NAV3: variants seen among roughly 807,000 people sequenced by gnomAD.
NAV3 encodes neuron navigator 3, also known as pore membrane and/or filament interacting like protein 1.
Under a neutral mutation model 244.7 loss-of-function variants are expected in NAV3, and 87 were observed. The ratio of observed to expected loss-of-function variants is 0.36; its 90% CI spans 0.30 to 0.42. The LOEUF (loss-of-function observed/expected upper bound fraction) is 0.42. NAV3 is among the 20% of genes least tolerant of loss of function. NAV3 has a pLI of 1.00. For missense variants in NAV3, 2,663 were observed against 2,893.3 expected (o/e 0.92, Z 1.83); for synonymous variants, 1,126 against 1,042.2 (o/e 1.08, Z -1.55).
At chr12:77,837,922 A>G (rs1452066060) in intron 1 of NAV3, among the ~76,000 whole-genome samples, 1 of 152,218 alleles carries the variant, frequency 6.6e-6, no homozygotes, top group Non-Finnish European at 1.5e-5. Context: ...ATGTCAATAA[A>G]GTAGATCACT....
At position 78,050,195 on chromosome 12, in the gene NAV3, C is replaced by CCCCTTCT. The variant is rs1882529224; in HGVS notation, c.2132+94_2132+95insCCCTTCT. The CCCCTTCT allele has an allele frequency of 1.3e-5, 11 of 844,694 alleles. No homozygotes were observed. The South Asian group carries it at 1.7e-4, about 13-fold the overall frequency. The allele number at this position is 844,694 out of a possible 1,614,324, so 52.3% of individuals were successfully genotyped here. On this transcript the variant is annotated intron_variant, in intron 10 of 39. Coordinates refer to ENST00000397909, the MANE Select transcript of NAV3 (RefSeq NM_001024383.2). ...TCTTATAATGACAGAGATGGGATTT[C>CCCCTTCT]AGTTTCCCCTTACTATTTTCTCCCT...
At chr12:77,640,287 C>T (rs768490871) in intron 2 of NAV3, among the ~76,000 whole-genome samples, 1 of 151,892 alleles carries the variant, frequency 6.6e-6, no homozygotes, top group Non-Finnish European at 1.5e-5. Flanking sequence ...TGGTGCAACA[C>T]ACAGGAAGAA....
At chr12:77,806,901 A>G (rs535346817) in intron 2 of NAV3, among the ~76,000 whole-genome samples, 3 of 152,206 alleles carry the variant, frequency 2.0e-5, no homozygotes, top group Non-Finnish European at 4.4e-5. Context: ...TGTTGCATTG[A>G]TCCCTTTACC....
At chr12:77,690,011 T>G (rs183449669) in intron 2 of NAV3, among the ~76,000 whole-genome samples, 286 of 151,834 alleles carry the variant, frequency 1.9e-3, no homozygotes, top group Non-Finnish European at 3.1e-3. Flanking sequence ...TGAAATGGAA[T>G]AATTACCAAC....
intron 1 of NAV3, among the ~76,000 whole-genome samples, chr12:77,856,869 T>C (rs1041500786): frequency 2.0e-5 from 3 of 152,156 alleles, no homozygotes; most frequent in Non-Finnish European, 4.4e-5. Context: ...GAAAATAAGC[T>C]TTCCAGATCT....
intron 12 of NAV3, among the ~76,000 whole-genome samples, chr12:78,071,380 A>T (rs300421): frequency 6.6e-6 from 1 of 151,126 alleles, no homozygotes; most frequent in East Asian, 2.0e-4. Context: ...CATGTCCTTC[A>T]CCCACTTTTT....
chr12:77,656,191 G>A (rs971614719), intron 2 of NAV3, among the ~76,000 whole-genome samples: 5 of 144,946 alleles, frequency 3.4e-5, no homozygotes, highest in African/African-American at 1.4e-4. Flanking sequence ...AGACGCATCA[G>A]TGTGTTGTAT....
chr12:77,897,974 AAGG>A (rs1430317239), intron 1 of NAV3, among the ~76,000 whole-genome samples: 2 of 152,214 alleles, frequency 1.3e-5, no homozygotes, highest in Non-Finnish European at 2.9e-5. Flanking sequence ...TTTAGGTCAC[AAGG>A]AGTTTTCCTT....
intron 3 of NAV3, among the ~76,000 whole-genome samples, chr12:77,963,414 T>A (rs1892206315): frequency 6.6e-6 from 1 of 152,180 alleles, no homozygotes; most frequent in African/African-American, 2.4e-5. Context: ...CACTTCTTTT[T>A]ACTGTAAAAT....
rs143097867 is a variant in NAV3, at chr12:77,981,865, T to G, written c.672-12938T>G. On this transcript the variant is annotated intron_variant, in intron 5 of 39. Coordinates refer to ENST00000397909, the MANE Select transcript of NAV3 (RefSeq NM_001024383.2). ...AATTAGGCATGCTTTTTTCTTTCTT[T>G]GGGAATCAAGAGTACTACATGTCTC... Among the ~76,000 whole-genome samples the G allele has an allele frequency of 3.0e-3, 457 of 152,244 alleles. 2 individuals are homozygous for G. The highest frequency in any genetic ancestry group is 8.5e-3 in the Admixed American group (130 of 15,284).
intron 31 of NAV3, among the ~76,000 whole-genome samples, chr12:78,187,458 G>A (rs185736691): frequency 6.5e-4 from 99 of 151,820 alleles, no homozygotes; most frequent in African/African-American, 2.0e-3. Flanking sequence ...TCACTATTTC[G>A]TTAACCATTT....
At chr12:78,049,312 T>C (rs1882368486) in intron 9 of NAV3, among the ~76,000 whole-genome samples, 2 of 152,120 alleles carry the variant, frequency 1.3e-5, no homozygotes, top group Admixed American at 6.5e-5. Context: ...CCCAGTTTTG[T>C]GCTTGAAACT....
intron 23 of NAV3, among the ~76,000 whole-genome samples, chr12:78,164,069 C>T (rs1428276527): frequency 6.6e-6 from 1 of 152,074 alleles, no homozygotes; most frequent in Non-Finnish European, 1.5e-5. Context: ...ATCCAGCAAA[C>T]TATATTTTTT....
At chr12:78,136,002 A>G (rs771409299) in intron 18 of NAV3, among the ~76,000 whole-genome samples, 41 of 152,342 alleles carry the variant, frequency 2.7e-4, no homozygotes, top group Non-Finnish European at 5.1e-4. Context: ...GGTTAATACC[A>G]GGATTATCAA....
At chr12:78,129,616 G>A (rs1297378410) in intron 18 of NAV3, among the ~76,000 whole-genome samples, 1 of 152,030 alleles carries the variant, frequency 6.6e-6, no homozygotes, top group Non-Finnish European at 1.5e-5. Flanking sequence ...CCATTTAATA[G>A]ATTCAATGAC....
intron 2 of NAV3, among the ~76,000 whole-genome samples, chr12:77,716,136 T>C (rs542133405): frequency 2.8e-4 from 43 of 152,128 alleles, no homozygotes; most frequent in Non-Finnish European, 5.0e-4. Context: ...CAAGTTTCTT[T>C]CCTATCTATG....
intron 2 of NAV3, among the ~76,000 whole-genome samples, chr12:77,804,723 C>G (rs1871885543): frequency 6.6e-6 from 1 of 151,854 alleles, no homozygotes; most frequent in Non-Finnish European, 1.5e-5. Context: ...TCAGTGGTAG[C>G]TTGATGGGGA....
rs138827021 is a variant in NAV3, at chr12:77,924,107, C to T, written c.244-16212C>T. On this transcript the variant is annotated intron_variant, in intron 1 of 39. Coordinates refer to ENST00000397909, the MANE Select transcript of NAV3 (RefSeq NM_001024383.2). ...CTGTACACAGTAGACTTTCAGCAGT[C>T]CACAGTGTTTCCTGGGGGTTGGGTA... Among the ~76,000 whole-genome samples the T allele has an allele frequency of 4.1e-3, 628 of 152,260 alleles. 2 individuals carry two copies. The highest frequency in any genetic ancestry group is 6.6e-3 in the Non-Finnish European group (449 of 68,024).
intron 24 of NAV3, 63 bp from the exon 25 acceptor site, chr12:78,175,243 A>G: frequency 3.2e-6 from 5 of 1,570,240 alleles, no homozygotes; most frequent in African/African-American, 1.4e-5. Context: ...AAGACCTAAA[A>G]GACTTATTTG....
Sources: gnomAD v4.1 joint callset for allele counts (sites outside exome capture counted in the v4.1 genomes callset) on GRCh38, gnomAD v4.1.1 for gene constraint, MANE v1.5 for transcripts, NCBI Gene and HGNC (gene_info 2026-07-23, HGNC 2026-07-21) for gene names.